The following LVRN variants were observed in gnomAD, a reference collection of about 807,000 sequenced individuals.
LVRN encodes the protein laeverin.
Under a neutral mutation model 111.4 loss-of-function variants are expected in LVRN, and 99 were observed. The ratio of observed to expected loss-of-function variants is 0.89; its 90% CI spans 0.76 to 1.05. LVRN has a LOEUF of 1.05. Among genes scored for constraint, LVRN ranks in the 50% least tolerant of loss-of-function variants. The pLI, the probability that LVRN is intolerant of heterozygous loss-of-function variation, is 0.00. For missense variants in LVRN, 1,414 were observed against 1,206.8 expected (o/e 1.17, Z -2.54); for synonymous variants, 488 against 449.5 (o/e 1.09, Z -1.08).
rs866059041 is a variant in LVRN at position 115,962,649 on chromosome 5, T to A, written c.32T>A (p.Val11Glu). The change falls in exon 1 of 20, where the codon GTG becomes GAG. Residue 11 changes from valine to glutamate, a missense_variant. Physicochemically the swap from Val to Glu is moderately radical, Grantham distance 121. Coordinates refer to ENST00000357872, the MANE Select transcript of LVRN (RefSeq NM_173800.5). ...CCCCCTTCCAGCTCAGGCTTCTATG[T>A]GAGCCGCGCAGTGGCCCTGCTGCTG... MGPPSSSGFY[V>E]SRAVALLLAG... 1 of 1,606,798 alleles carries A rather than the reference T, an allele frequency of 6.2e-7. No individual in the cohort carries two copies.
Position 116,015,264 on chromosome 5 carries a change from A to G in LVRN, c.2463A>G (p.Pro821=). 1.3e-6 allele frequency: 2 copies of G among 1,597,298 alleles called. No homozygotes were observed. Among genetic ancestry groups the G allele is most frequent in the Non-Finnish European group, 1.7e-6 (2 of 1,173,166 alleles). ...TTATATTTTACAGAATACCTTATCC[A>G]ATTAAAGATGTGGTTTTATGTTATG... ...VDHPENEIPY[P]IKDVVLCYGI... The change falls in exon 17 of 20, where the codon CCA becomes CCG. Residue 821 remains proline (P), a synonymous_variant. Transcript: ENST00000357872.
intron 1 of LVRN, among the ~76,000 whole-genome samples, chr5:115,965,928 A>G (rs371777577): frequency 2.0e-5 from 3 of 152,314 alleles, no homozygotes; most frequent in South Asian, 2.1e-4. Context: ...CAGCATGAGT[A>G]CGGACTAATA....
At chr5:115,980,192 A>G (rs1231667025) in intron 1 of LVRN, among the ~76,000 whole-genome samples, 1 of 151,990 alleles carries the variant, frequency 6.6e-6, no homozygotes, top group East Asian at 1.9e-4. Context: ...AAGGGAGGAG[A>G]GGGTGGTGGA....
At chr5:115,989,309 G>A (rs952359699) in intron 4 of LVRN, among the ~76,000 whole-genome samples, 5 of 152,152 alleles carry the variant, frequency 3.3e-5, no homozygotes, top group African/African-American at 1.2e-4. Flanking sequence ...CTCTAGCACT[G>A]TCTCTGCTCA....
Position 115,984,987 on chromosome 5 carries a change from A to C in LVRN, c.978+278A>C, listed in dbSNP as rs117167459. Among the ~76,000 whole-genome samples, 51 of 152,266 alleles carry C rather than the reference A, an allele frequency of 3.3e-4. No homozygotes were observed. The East Asian group carries it at 5.6e-3, about 17-fold the overall frequency. On this transcript the variant is annotated intron_variant, in intron 3 of 19. Coordinates refer to ENST00000357872, the MANE Select transcript of LVRN (RefSeq NM_173800.5). The stretch of plus-strand genomic sequence containing the variant: ...CTTCCCAGTGTGTTTCTGCTTTTGC[A>C]GAAGACAGGAGAGAATGGGGAGCAC...
At chr5:115,980,348 T>G (rs1348925477) in intron 1 of LVRN, among the ~76,000 whole-genome samples, 1 of 151,672 alleles carries the variant, frequency 6.6e-6, no homozygotes, top group African/African-American at 2.4e-5. Context: ...ACTTTTGCAG[T>G]TAAGGTTGAG....
chr5:115,984,537 T>G (rs761072323), intron 2 of LVRN, 33 bp from the exon 3 acceptor site: 138 of 1,609,120 alleles, frequency 8.6e-5, no homozygotes, highest in Non-Finnish European at 1.1e-4. Flanking sequence ...TGCTTAGATT[T>G]GCTGTGATTT....
Position 116,026,036 on chromosome 5 carries a change from A to G in LVRN, c.2891A>G (p.Asn964Ser), listed in dbSNP as rs747187709. ...EEHQRIRVHANLQTIKNENLK... is the reference protein window; with the variant it reads ...EEHQRIRVHASLQTIKNENLK... ...CACCAGAGGATCAGAGTTCATGCCA[A>G]CTTACAGACAATAAAGAATGAAAAT... Residue 964 changes from asparagine to serine, a missense_variant, in exon 20 of 20, where the codon AAC (asparagine) becomes AGC (serine). Coordinates refer to ENST00000357872, the MANE Select transcript of LVRN (RefSeq NM_173800.5). The G allele has an allele frequency of 2.5e-6, 4 of 1,613,824 alleles. No homozygotes were observed. The highest frequency in any genetic ancestry group is 2.5e-6 in the Non-Finnish European group (3 of 1,179,892).
intron 6 of LVRN, chr5:115,995,610 G>A (rs1164914668): frequency 6.6e-6 from 1 of 152,150 alleles, no homozygotes; most frequent in African/African-American, 2.4e-5. Flanking sequence ...CAGCTGTCTG[G>A]GTCTAGTCTG....
intron 2 of LVRN, 24 bp downstream of exon 2, chr5:115,983,453 T>A: frequency 1.3e-6 from 2 of 1,572,646 alleles, no homozygotes; most frequent in Non-Finnish European, 1.7e-6. Context: ...TCTGTCTATA[T>A]CTAGCTGTCT....
intron 16 of LVRN, among the ~76,000 whole-genome samples, chr5:116,014,959 G>A (rs546988529): frequency 2.6e-5 from 4 of 152,054 alleles, no homozygotes; most frequent in East Asian, 1.9e-4. Flanking sequence ...ATAGCACCTC[G>A]GATGGACTCT....
rs1198989813 is a variant in LVRN at position 115,999,912 on chromosome 5, G to A, written c.1515+10G>A. 8.1e-6 allele frequency: 13 copies of A among 1,599,942 alleles called. No homozygotes were observed. The highest frequency in any genetic ancestry group is 1.1e-5 in the Non-Finnish European group (13 of 1,175,672). On this transcript the variant is annotated intron_variant, in intron 7 of 19. Transcript: ENST00000357872. ...ATTTACTTACAGCAAGGTAAAAGCA[G>A]TTAGAAATTTCCTTTGGTTTTGTAC...
At chr5:115,964,875 T>G (rs1048877488) in intron 1 of LVRN, among the ~76,000 whole-genome samples, 1 of 152,196 alleles carries the variant, frequency 6.6e-6, no homozygotes, top group Admixed American at 6.5e-5. Context: ...GAAGAGTTGT[T>G]ACCCTTTGGG....
Position 115,975,413 on chromosome 5 carries a change from T to G in LVRN, c.696-7874T>G, listed in dbSNP as rs1753423321. Reference sequence around the variant, plus strand: ...TCTCCACCACCGTATAACAAATGCTTCTAAACTTTTATTGCATCACTCAGC... The same window carrying G: ...TCTCCACCACCGTATAACAAATGCTGCTAAACTTTTATTGCATCACTCAGC... On this transcript the variant is annotated intron_variant, in intron 1 of 19. Transcript: ENST00000357872. 3 of 194,096 alleles carry G rather than the reference T, an allele frequency of 1.5e-5. No individual in the cohort carries two copies. The South Asian group carries it at 3.0e-4, about 19-fold the overall frequency. The allele number at this position is 194,096 out of a possible 1,614,324, so 12.0% of individuals were successfully genotyped here.
intron 18 of LVRN, 34 bp downstream of exon 18, chr5:116,015,799 G>C: frequency 6.2e-7 from 1 of 1,609,126 alleles, no homozygotes; most frequent in Non-Finnish European, 8.5e-7. Flanking sequence ...CTTTCATTTA[G>C]GCCACTGGTT....
At chr5:116,025,909 A>T in intron 19 of LVRN, 69 bp from the exon 20 acceptor site, 1 of 1,584,866 alleles carries the variant, frequency 6.3e-7, no homozygotes, top group Non-Finnish European at 8.6e-7. Context: ...GCTACTTAGC[A>T]TTTAGACATT....
At chr5:115,987,706 G>A (rs1280212731) in intron 3 of LVRN, 107 bp from the exon 4 acceptor site, 1 of 1,330,558 alleles carries the variant, frequency 7.5e-7, no homozygotes, top group South Asian at 1.5e-5. Flanking sequence ...AGCTTCTTCT[G>A]GAAAGGTAAG....
rs1748586788 is a variant in LVRN at position 116,015,574 on chromosome 5, T to G, written c.2619-54T>G. The G allele has an allele frequency of 6.4e-6, 10 of 1,551,384 alleles. No individual in the cohort carries two copies. In the East Asian group the frequency reaches 2.3e-4, roughly 35 times the overall value. ...GGATTTTGATTTTGTTTATTTAAAT[T>G]AACTCTTTATGTTGGATGTTTAAAA... On this transcript the variant is annotated intron_variant, in intron 17 of 19. Transcript: ENST00000357872.
chr5:116,021,910 A>C (rs949829330), intron 18 of LVRN, among the ~76,000 whole-genome samples: 1 of 152,144 alleles, frequency 6.6e-6, no homozygotes, highest in Non-Finnish European at 1.5e-5. Flanking sequence ...CTTCAGGGTC[A>C]CCAACATTTA....
Sources: allele counts gnomAD v4.1 joint callset (sites outside exome capture counted in the v4.1 genomes callset), GRCh38; gene constraint gnomAD v4.1.1; transcripts MANE v1.5; gene names NCBI Gene and HGNC (gene_info 2026-07-23, HGNC 2026-07-21).